Variants in LRMDA observed in about 807,000 individuals in gnomAD.
LRMDA encodes leucine-rich melanocyte differentiation-associated protein.
Under a neutral mutation model 29.8 loss-of-function variants are expected in LRMDA, and 18 were observed. That is an observed-to-expected ratio of 0.60 (90% CI 0.42 to 0.90). The LOEUF is 0.90. Ranked by LOEUF, LRMDA falls within the 40% of genes least tolerant of loss-of-function variation. The probability of loss-of-function intolerance (pLI) is 0.00; values close to 1 mark genes in which losing one functional copy is unlikely to be tolerated. For synonymous variants in LRMDA, 125 were observed against 109.4 expected (o/e 1.14, Z -0.89); for missense variants, 273 against 273.9 (o/e 1.00, Z 0.02).
intron 6 of LRMDA, among the ~76,000 whole-genome samples, chr10:76,491,858 A>G (rs1038600957): frequency 6.6e-6 from 1 of 151,734 alleles, no homozygotes; most frequent in Non-Finnish European, 1.5e-5. Context: ...GGTGTGCTTC[A>G]TTATTTTTTA....
At chr10:76,147,191 T>C (rs1850341667) in intron 5 of LRMDA, among the ~76,000 whole-genome samples, 1 of 152,150 alleles carries the variant, frequency 6.6e-6, no homozygotes, top group Non-Finnish European at 1.5e-5. Context: ...AGGAGTATCT[T>C]TGTGGCGTTC....
intron 5 of LRMDA, among the ~76,000 whole-genome samples, chr10:76,203,448 AT>A (rs1369934447): frequency 2.0e-5 from 3 of 152,164 alleles, no homozygotes; most frequent in African/African-American, 7.2e-5. Flanking sequence ...GGCCCAAAGT[AT>A]TTTTTAATCT....
At chr10:75,918,495 C>T (rs957219660) in intron 2 of LRMDA, among the ~76,000 whole-genome samples, 5 of 151,936 alleles carry the variant, frequency 3.3e-5, no homozygotes, top group Non-Finnish European at 5.9e-5. Context: ...AACCAGATCT[C>T]GCAGGAACTC....
intron 6 of LRMDA, among the ~76,000 whole-genome samples, chr10:76,548,079 G>A (rs913166404): frequency 6.6e-6 from 1 of 152,176 alleles, no homozygotes; most frequent in African/African-American, 2.4e-5. Flanking sequence ...TGAAAAGTAA[G>A]CGGAAAAGCA....
At chr10:76,179,734 C>T in intron 5 of LRMDA, among the ~76,000 whole-genome samples, 1 of 152,194 alleles carries the variant, frequency 6.6e-6, no homozygotes, top group East Asian at 1.9e-4. Flanking sequence ...AGATGTTGAT[C>T]TGCCTTCAAT....
At chr10:76,324,267 TG>T in intron 5 of LRMDA, 133 bp from the exon 6 acceptor site, 2 of 812,940 alleles carry the variant, frequency 2.5e-6, no homozygotes, top group Non-Finnish European at 4.1e-6. Flanking sequence ...AAACAGCTCT[TG>T]CTTCCTAAGA....
intron 2 of LRMDA, among the ~76,000 whole-genome samples, chr10:75,622,892 C>T (rs779185446): frequency 1.1e-4 from 17 of 152,102 alleles, no homozygotes; most frequent in Non-Finnish European, 2.2e-4. Context: ...ATTTTAGCTG[C>T]CTTAGAGCTG....
intron 2 of LRMDA, among the ~76,000 whole-genome samples, chr10:75,530,056 C>A (rs1392707144): frequency 6.6e-6 from 1 of 151,680 alleles, no homozygotes; most frequent in Non-Finnish European, 1.5e-5. Flanking sequence ...TTTCTTGATT[C>A]TTTAAAACAT....
At chr10:75,475,739 A>G (rs986401115) in intron 2 of LRMDA, among the ~76,000 whole-genome samples, 4 of 152,208 alleles carry the variant, frequency 2.6e-5, no homozygotes, top group African/African-American at 9.6e-5. Flanking sequence ...TTCTCTGACA[A>G]TACATTATGT....
chr10:76,060,600 C>G (rs774011926), intron 5 of LRMDA, among the ~76,000 whole-genome samples: 2 of 152,160 alleles, frequency 1.3e-5, no homozygotes, highest in African/African-American at 2.4e-5. Flanking sequence ...CTTTCTCACC[C>G]CTGGAGCAGT....
At chr10:76,252,348 A>C (rs1852501776) in intron 5 of LRMDA, among the ~76,000 whole-genome samples, 1 of 152,218 alleles carries the variant, frequency 6.6e-6, no homozygotes, top group Non-Finnish European at 1.5e-5. Context: ...AGCTAACAAC[A>C]AAGAGATCAG....
At chr10:75,520,092 C>T (rs761380871) in intron 2 of LRMDA, among the ~76,000 whole-genome samples, 1 of 152,206 alleles carries the variant, frequency 6.6e-6, no homozygotes, top group Non-Finnish European at 1.5e-5. Flanking sequence ...CCCGACCTTT[C>T]TCTCTGGCTG....
At chr10:76,246,709 G>A (rs1852384849) in intron 5 of LRMDA, among the ~76,000 whole-genome samples, 2 of 152,156 alleles carry the variant, frequency 1.3e-5, no homozygotes, top group South Asian at 4.1e-4. Flanking sequence ...CAAGAGCTTT[G>A]TCAACTGCAA....
chr10:76,148,446 G>C (rs1275953734), intron 5 of LRMDA, among the ~76,000 whole-genome samples: 2 of 152,172 alleles, frequency 1.3e-5, no homozygotes, highest in African/African-American at 4.8e-5. Context: ...TCAGACTGCT[G>C]TGCTAGCAAT....
chr10:76,239,613 T>G (rs1220069264), intron 5 of LRMDA, among the ~76,000 whole-genome samples: 2 of 151,936 alleles, frequency 1.3e-5, no homozygotes, highest in Admixed American at 6.6e-5. Flanking sequence ...CTCTCTATTA[T>G]GCATTGATAT....
At chr10:76,224,027 A>G (rs530681180) in intron 5 of LRMDA, among the ~76,000 whole-genome samples, 27 of 152,198 alleles carry the variant, frequency 1.8e-4, no homozygotes, top group Admixed American at 6.5e-5. Flanking sequence ...CCTTATGTCT[A>G]CATAAGTTAG....
intron 2 of LRMDA, among the ~76,000 whole-genome samples, chr10:75,928,469 G>A (rs916228684): frequency 1.6e-4 from 24 of 152,068 alleles, no homozygotes; most frequent in African/African-American, 5.6e-4. Flanking sequence ...TGGCAACCAC[G>A]CTTCTTCCTT....
chr10:75,722,415 GT>G (rs1268131987), intron 2 of LRMDA, among the ~76,000 whole-genome samples: 3 of 152,140 alleles, frequency 2.0e-5, no homozygotes, highest in Admixed American at 2.0e-4. Flanking sequence ...AAGACAAAGT[GT>G]TTTAATAATA....
At chr10:76,380,715 A>G (rs565665168) in intron 6 of LRMDA, among the ~76,000 whole-genome samples, 1 of 151,192 alleles carries the variant, frequency 6.6e-6, no homozygotes, top group South Asian at 2.1e-4. Context: ...AATATAGCCT[A>G]TAAATTTAAA....
Sources: gnomAD v4.1 joint callset for allele counts (sites outside exome capture counted in the v4.1 genomes callset) on GRCh38, gnomAD v4.1.1 for gene constraint, MANE v1.5 for transcripts, NCBI Gene and HGNC (gene_info 2026-07-23, HGNC 2026-07-21) for gene names.